CFDP1: variants seen among roughly 807,000 people sequenced by gnomAD.
CFDP1 encodes chromatin remodeling protein CFDP1.
In CFDP1, 31 loss-of-function variants were observed where a neutral mutation model predicts 40.1. The observed-to-expected ratio is 0.77, with a 90% CI of 0.58 to 1.04. CFDP1 has a LOEUF of 1.04. Ranked by LOEUF, CFDP1 falls within the 50% of genes least tolerant of loss-of-function variation. CFDP1 has a pLI of 0.00. For synonymous variants in CFDP1, 167 were observed against 120.0 expected, an observed-to-expected ratio of 1.39 and a Z score of -2.56; for missense variants, 423 against 343.4, an observed-to-expected ratio of 1.23 and a Z score of -1.83.
At chr16:75,390,033 T>C (rs1435646079) in intron 5 of CFDP1, among the ~76,000 whole-genome samples, 4 of 152,238 alleles carry the variant, frequency 2.6e-5, no homozygotes. Context: ...ACTCAGGCAC[T>C]TGGCAGACAT....
intron 4 of CFDP1, among the ~76,000 whole-genome samples, chr16:75,401,515 G>C (rs915835409): frequency 9.2e-5 from 14 of 151,518 alleles, no homozygotes; most frequent in Admixed American, 9.2e-4. Context: ...CAGGAGATTC[G>C]TTTGAACCCA....
intron 5 of CFDP1, among the ~76,000 whole-genome samples, chr16:75,307,835 T>G (rs997284774): frequency 1.3e-5 from 2 of 152,196 alleles, no homozygotes; most frequent in Admixed American, 6.5e-5. Context: ...ACTGGGATTA[T>G]AGGCACAAGC....
intron 5 of CFDP1, among the ~76,000 whole-genome samples, chr16:75,373,073 A>G (rs2078765751): frequency 6.6e-6 from 1 of 152,198 alleles, no homozygotes; most frequent in African/African-American, 2.4e-5. Flanking sequence ...TAAAAGGGTG[A>G]CAATTTGCTT....
intron 5 of CFDP1, among the ~76,000 whole-genome samples, chr16:75,384,857 T>TAC (rs2078880460): frequency 7.0e-5 from 1 of 14,346 alleles, no homozygotes; most frequent in Non-Finnish European, 1.5e-4. Flanking sequence ...TAAAACTATA[T>TAC]ATATATATAT....
intron 5 of CFDP1, among the ~76,000 whole-genome samples, chr16:75,387,074 A>G (rs1171620632): frequency 1.3e-5 from 2 of 152,206 alleles, no homozygotes; most frequent in Admixed American, 1.3e-4. Flanking sequence ...AAACAAATGA[A>G]GCACGGTATT....
intron 5 of CFDP1, among the ~76,000 whole-genome samples, chr16:75,363,426 C>T (rs1267141298): frequency 2.0e-5 from 3 of 150,696 alleles, no homozygotes; most frequent in Non-Finnish European, 4.4e-5. Flanking sequence ...GATGGTGTCT[C>T]GCTCTGTCGC....
At chr16:75,355,691 T>C (rs1165634436) in intron 5 of CFDP1, among the ~76,000 whole-genome samples, 2 of 152,132 alleles carry the variant, frequency 1.3e-5, no homozygotes, top group Non-Finnish European at 2.9e-5. Context: ...AGTTCCCCCA[T>C]GCTGTTCTCA....
chr16:75,375,685 C>T (rs868415862), intron 5 of CFDP1, among the ~76,000 whole-genome samples: 70 of 150,510 alleles, frequency 4.7e-4, no homozygotes, highest in African/African-American at 1.7e-3. Flanking sequence ...CCAGCTACTC[C>T]AAGGCTGAGA....
chr16:75,414,755 A>C, intron 1 of CFDP1, 60 bp from the exon 2 acceptor site: 1 of 1,113,018 alleles, frequency 9.0e-7, no homozygotes, highest in Non-Finnish European at 1.3e-6. Context: ...AAGATGAGAC[A>C]TTTTCATTAA....
chr16:75,338,182 G>C (rs1266808107), intron 5 of CFDP1, among the ~76,000 whole-genome samples: 1 of 152,180 alleles, frequency 6.6e-6, no homozygotes, highest in Non-Finnish European at 1.5e-5. Context: ...TGGAAGCAAT[G>C]ATGGGTTACA....
intron 5 of CFDP1, among the ~76,000 whole-genome samples, chr16:75,325,942 G>A (rs2078398047): frequency 6.6e-6 from 1 of 152,202 alleles, no homozygotes; most frequent in African/African-American, 2.4e-5. Context: ...GCTGGCTTAG[G>A]CACCTCTCAT....
intron 5 of CFDP1, among the ~76,000 whole-genome samples, chr16:75,393,773 A>AAAAAAAGG (rs1567669532): frequency 1.1e-5 from 1 of 92,534 alleles, no homozygotes; most frequent in Non-Finnish European, 2.2e-5. Flanking sequence ...AAAAAAAAAA[A>AAAAAAAGG]GTGGGGCCGG....
At chr16:75,373,517 G>GA (rs1260094094) in intron 5 of CFDP1, among the ~76,000 whole-genome samples, 1 of 152,038 alleles carries the variant, frequency 6.6e-6, no homozygotes, top group Non-Finnish European at 1.5e-5. Flanking sequence ...TTTTCTCTGT[G>GA]ACCCCTGCCC....
At position 75,349,682 on chromosome 16, in the gene CFDP1, A is replaced by ATATATATATATATATAT. The variant is rs60815655; in HGVS notation, c.651-44501_651-44500insATATATATATATATATA. On this transcript the variant is annotated intron_variant, in intron 5 of 6. Coordinates refer to ENST00000283882, the MANE Select transcript of CFDP1 (RefSeq NM_006324.3). ...AAAAAAAAAAAAAAAAAAAAAAAAA[A>ATATATATATATATATAT]AAAAAAAAATATATATACATACATA... 9.6e-3 allele frequency among the ~76,000 whole-genome samples: 71 copies of ATATATATATATATATAT among 7,368 alleles called. 3 individuals are homozygous for ATATATATATATATATAT. Among genetic ancestry groups the ATATATATATATATATAT allele is most frequent in the East Asian group, 0.045 (5 of 110 alleles). The allele number at this position is 7,368 out of a possible 152,430, so 4.8% of individuals were successfully genotyped here.
At chr16:75,429,733 CAGA>C (rs1232598126) in intron 1 of CFDP1, among the ~76,000 whole-genome samples, 40 of 152,174 alleles carry the variant, frequency 2.6e-4, no homozygotes, top group African/African-American at 8.9e-4. Context: ...AAGACTGTTT[CAGA>C]AGATTAAAGT....
At chr16:75,422,788 C>A (rs928732606) in intron 1 of CFDP1, among the ~76,000 whole-genome samples, 2 of 151,940 alleles carry the variant, frequency 1.3e-5, no homozygotes, top group South Asian at 4.2e-4. Context: ...CAACGTGTCA[C>A]TGAGCTGTGA....
chr16:75,346,228 G>A (rs2078562836), intron 5 of CFDP1, among the ~76,000 whole-genome samples: 1 of 152,172 alleles, frequency 6.6e-6, no homozygotes, highest in Non-Finnish European at 1.5e-5. Context: ...AAATGAAGTA[G>A]CCCAAGGACC....
chr16:75,398,066 A>T (rs2079012604), intron 4 of CFDP1, among the ~76,000 whole-genome samples: 1 of 152,210 alleles, frequency 6.6e-6, no homozygotes, highest in Admixed American at 6.5e-5. Context: ...AACCCAACAA[A>T]CAAGCAGCTT....
intron 1 of CFDP1, among the ~76,000 whole-genome samples, chr16:75,422,765 G>A (rs1036741748): frequency 1.3e-4 from 19 of 151,522 alleles, no homozygotes; most frequent in Admixed American, 9.9e-4. Context: ...AGGATCGCTT[G>A]AGGCCAGGAG....
Sources: allele counts gnomAD v4.1 joint callset (sites outside exome capture counted in the v4.1 genomes callset), GRCh38; gene constraint gnomAD v4.1.1; transcripts MANE v1.5; gene names NCBI Gene and HGNC (gene_info 2026-07-23, HGNC 2026-07-21).